Variants in MAPK4 observed in about 807,000 individuals in gnomAD.
The protein encoded by MAPK4 is Erk3-related.
Under a neutral mutation model 47.7 loss-of-function variants are expected in MAPK4, and 22 were observed. The ratio of observed to expected loss-of-function variants is 0.46; its 90% confidence interval spans 0.33 to 0.66. The LOEUF (loss-of-function observed/expected upper bound fraction) is 0.66. Ranked by LOEUF, MAPK4 falls within the 30% of genes least tolerant of loss-of-function variation. The pLI, the probability that MAPK4 is intolerant of heterozygous loss-of-function variation, is 0.02. For missense variants in MAPK4, 736 were observed against 831.7 expected, an observed-to-expected ratio of 0.88 and a Z score of 1.42; for synonymous variants, 390 against 365.7, an observed-to-expected ratio of 1.07 and a Z score of -0.76.
intron 2 of MAPK4, among the ~76,000 whole-genome samples, chr18:50,670,667 G>T (rs976049593): frequency 6.7e-6 from 1 of 149,566 alleles, no homozygotes; most frequent in East Asian, 2.0e-4. Flanking sequence ...TGAGGTAGGA[G>T]AATCGCTTGA....
chr18:50,685,318 A>G (rs544748144), intron 2 of MAPK4, among the ~76,000 whole-genome samples: 4 of 152,242 alleles, frequency 2.6e-5, no homozygotes, highest in Non-Finnish European at 5.9e-5. Context: ...ACCTCAAGCA[A>G]GTTGCCAAGC....
At chr18:50,670,499 G>C (rs908352076) in intron 2 of MAPK4, among the ~76,000 whole-genome samples, 2 of 152,174 alleles carry the variant, frequency 1.3e-5, no homozygotes, top group Non-Finnish European at 1.5e-5. Flanking sequence ...GCTCACGCCT[G>C]CAATCCCAGC....
intron 1 of MAPK4, among the ~76,000 whole-genome samples, chr18:50,566,529 T>C (rs946050366): frequency 6.6e-6 from 1 of 152,222 alleles, no homozygotes; most frequent in Non-Finnish European, 1.5e-5. Context: ...TTGTAGAGTG[T>C]GTTGGTGTAG....
chr18:50,620,163 G>A (rs1178657017), intron 1 of MAPK4, among the ~76,000 whole-genome samples: 1 of 152,232 alleles, frequency 6.6e-6, no homozygotes, highest in Non-Finnish European at 1.5e-5. Flanking sequence ...GGTTCCCAGT[G>A]GGGAATGTGA....
intron 2 of MAPK4, chr18:50,670,152 C>A (rs973593253): frequency 8.6e-6 from 1 of 116,756 alleles, no homozygotes; most frequent in African/African-American, 2.8e-5. Context: ...GAGCAAGACT[C>A]CATCTCAAAA....
chr18:50,664,272 A>G lies in MAPK4; in HGVS notation c.314A>G (p.Gln105Arg), dbSNP rs1484460760. 1.2e-6 allele frequency: 2 copies of G among 1,613,608 alleles called. No homozygotes were observed. Among genetic ancestry groups the G allele is most frequent in the Non-Finnish European group, 1.7e-6 (2 of 1,179,844 alleles). Reference protein sequence around the residue: ...LFKFSVAYIVQEYMETDLARL... With the variant: ...LFKFSVAYIVREYMETDLARL... ...AAGTTCAGCGTGGCGTACATCGTCC[A>G]GGAGTACATGGAGACCGACCTGGCA... The change falls in exon 2 of 6, where the codon CAG becomes CGG. Residue 105 changes from glutamine (Q) to arginine (R), a missense_variant. Physicochemically the swap from Gln to Arg is conservative, Grantham distance 43. Around this residue, in one of 3 missense-constraint regions of MAPK4, gnomAD observed 327 missense variants for 395.4 expected, o/e 0.83. Coordinates refer to ENST00000400384, the MANE Select transcript of MAPK4 (RefSeq NM_002747.4). This position sits in a 1 kb window ranked among gnomAD's most constrained non-coding sequence, Gnocchi z 6.0.
chr18:50,571,909 A>G (rs1044385086), intron 1 of MAPK4, among the ~76,000 whole-genome samples: 2 of 152,220 alleles, frequency 1.3e-5, no homozygotes, highest in African/African-American at 4.8e-5. Flanking sequence ...AGAATGGTAA[A>G]GTATTATAGC....
chr18:50,671,889 CAA>C (rs745534670), intron 2 of MAPK4, among the ~76,000 whole-genome samples: 73 of 104,060 alleles, frequency 7.0e-4, no homozygotes, highest in Admixed American at 1.0e-3. Flanking sequence ...GACCCTGACT[CAA>C]AAAAAAAAAA....
At chr18:50,656,062 G>A (rs1219736020) in intron 1 of MAPK4, among the ~76,000 whole-genome samples, 2 of 152,114 alleles carry the variant, frequency 1.3e-5, no homozygotes, top group Non-Finnish European at 2.9e-5. Flanking sequence ...ATCCATGCCA[G>A]GTGAGACCCA....
At chr18:50,684,079 T>G (rs539494293) in intron 2 of MAPK4, among the ~76,000 whole-genome samples, 28 of 152,134 alleles carry the variant, frequency 1.8e-4, no homozygotes, top group African/African-American at 6.7e-4. Flanking sequence ...GTTGTGCAGA[T>G]GGAGGGTGCT....
At chr18:50,603,074 T>G (rs890660585) in intron 1 of MAPK4, among the ~76,000 whole-genome samples, 2 of 152,136 alleles carry the variant, frequency 1.3e-5, no homozygotes, top group Non-Finnish European at 1.5e-5. Flanking sequence ...GGAGAGGGGC[T>G]GCATCACCCT....
At chr18:50,641,024 T>G (rs1467772792) in intron 1 of MAPK4, among the ~76,000 whole-genome samples, 1 of 152,230 alleles carries the variant, frequency 6.6e-6, no homozygotes, top group Non-Finnish European at 1.5e-5. Flanking sequence ...GATGATTATT[T>G]GTCAATGTCA....
intron 1 of MAPK4, among the ~76,000 whole-genome samples, chr18:50,563,586 G>A (rs949087514): frequency 2.6e-5 from 4 of 152,164 alleles, no homozygotes; most frequent in Non-Finnish European, 5.9e-5. Flanking sequence ...AGCATTCCTG[G>A]AGTTTTTTCA....
chr18:50,657,424 A>G (rs570272111), intron 1 of MAPK4, among the ~76,000 whole-genome samples: 1 of 152,144 alleles, frequency 6.6e-6, no homozygotes, highest in Admixed American at 6.5e-5. Flanking sequence ...ATATGGTACA[A>G]TCCCATAAAA....
At chr18:50,637,218 GTAA>G (rs2042896317) in intron 1 of MAPK4, among the ~76,000 whole-genome samples, 1 of 152,178 alleles carries the variant, frequency 6.6e-6, no homozygotes, top group Admixed American at 6.5e-5. Flanking sequence ...GGCATTAATA[GTAA>G]TAATATTAGC....
At chr18:50,614,809 A>C (rs1187998994) in intron 1 of MAPK4, among the ~76,000 whole-genome samples, 1 of 152,214 alleles carries the variant, frequency 6.6e-6, no homozygotes, top group African/African-American at 2.4e-5. Context: ...TGGTAGAATC[A>C]AGAATTGGAA....
At chr18:50,691,827 G>T (rs1909232767) in intron 2 of MAPK4, among the ~76,000 whole-genome samples, 1 of 152,132 alleles carries the variant, frequency 6.6e-6, no homozygotes. Context: ...CGGCAGCCAG[G>T]ACTGGTTTTA....
At position 50,668,499 on chromosome 18, in the gene MAPK4, T is replaced by C. The variant is rs568677382; in HGVS notation, c.546+3995T>C. On this transcript the variant is annotated intron_variant, in intron 2 of 5. Transcript: ENST00000400384. ...TTCAAGTTGCAGTCAGGATGCATGC[T>C]GGGTGTGTGCCCCCTACTGCACCAC... Among the ~76,000 whole-genome samples, 580 of 152,308 alleles carry C rather than the reference T, an allele frequency of 3.8e-3. 3 individuals carry two copies. Among genetic ancestry groups the C allele is most frequent in the Non-Finnish European group, 6.4e-3 (434 of 68,014 alleles).
At chr18:50,607,326 C>A (rs1449112689) in intron 1 of MAPK4, among the ~76,000 whole-genome samples, 1 of 152,190 alleles carries the variant, frequency 6.6e-6, no homozygotes, top group Non-Finnish European at 1.5e-5. Flanking sequence ...TACGATCTCA[C>A]AAATGGTTAA....
Sources: gnomAD v4.1 joint callset for allele counts (sites outside exome capture counted in the v4.1 genomes callset) on GRCh38, gnomAD v4.1.1 for gene constraint, gnomAD v4.1.1 regional missense constraint, Gnocchi (gnomAD v3.1) non-coding constraint, MANE v1.5 for transcripts, NCBI Gene and HGNC (gene_info 2026-07-23, HGNC 2026-07-21) for gene names.